Variants in PPM1H observed in about 807,000 individuals in gnomAD.
PPM1H encodes the protein protein phosphatase 1H.
Under a neutral mutation model 54.9 loss-of-function variants are expected in PPM1H, and 27 were observed. That is an observed-to-expected ratio of 0.49 (90% confidence interval 0.36 to 0.68). The LOEUF is 0.68. Ranked by LOEUF, PPM1H falls within the 30% of genes least tolerant of loss-of-function variation. The probability of loss-of-function intolerance (pLI) is 0.00; values close to 1 mark genes in which losing one functional copy is unlikely to be tolerated. For missense variants in PPM1H, 596 were observed against 667.8 expected (o/e 0.89, Z 1.19); for synonymous variants, 305 against 270.8 (o/e 1.13, Z -1.24).
At position 62,648,607 on chromosome 12, in the gene PPM1H, A is replaced by G. The variant is rs1488086613; in HGVS notation, c.1427T>C (p.Met476Thr). Residue 476 changes from methionine (M) to threonine (T), a missense_variant, in exon 10 of 10, where the codon ATG becomes ACG. Transcript: ENST00000228705. ...RYTLAAQDLV[M>T]RARGVLKDRG... Reference sequence around the variant, plus strand: ...GTCCTTCAGCACACCCCGGGCACGCATCACCAGGTCCTGAGCTGCCAGTGT... The same window carrying G: ...GTCCTTCAGCACACCCCGGGCACGCGTCACCAGGTCCTGAGCTGCCAGTGT... The G allele has an allele frequency of 6.2e-6, 10 of 1,613,966 alleles. No homozygotes were observed. The highest frequency in any genetic ancestry group is 8.5e-6 in the Non-Finnish European group (10 of 1,179,890).
At chr12:62,701,443 T>A (rs531546945) in intron 6 of PPM1H, among the ~76,000 whole-genome samples, 1 of 152,224 alleles carries the variant, frequency 6.6e-6, no homozygotes, top group Non-Finnish European at 1.5e-5. Flanking sequence ...GGCAATTTTA[T>A]ACATCCCTTC....
At chr12:62,892,522 C>G (rs1288459268) in intron 1 of PPM1H, among the ~76,000 whole-genome samples, 1 of 152,204 alleles carries the variant, frequency 6.6e-6, no homozygotes, top group Non-Finnish European at 1.5e-5. Context: ...ATTTGCTTCA[C>G]TAATCCCAAA....
chr12:62,719,143 C>T (rs1346991686), intron 6 of PPM1H, among the ~76,000 whole-genome samples: 1 of 152,148 alleles, frequency 6.6e-6, no homozygotes, highest in South Asian at 2.1e-4. Context: ...CAACCAGAAG[C>T]CCCTTGGCCT....
At chr12:62,746,207 A>C (rs2076409729) in intron 4 of PPM1H, among the ~76,000 whole-genome samples, 1 of 152,110 alleles carries the variant, frequency 6.6e-6, no homozygotes, top group African/African-American at 2.4e-5. Flanking sequence ...AAAAAAAACA[A>C]AAACAAAAAC....
intron 4 of PPM1H, among the ~76,000 whole-genome samples, chr12:62,788,014 A>G (rs970174803): frequency 6.6e-6 from 1 of 152,260 alleles, no homozygotes; most frequent in African/African-American, 2.4e-5. Context: ...CTACTGGTTT[A>G]GATTTATCAC....
chr12:62,927,704 T>C (rs1592674955), intron 1 of PPM1H, among the ~76,000 whole-genome samples: 2 of 150,814 alleles, frequency 1.3e-5, no homozygotes, highest in South Asian at 2.1e-4. Context: ...GAAAATAATA[T>C]ACGTTGAAGA....
intron 1 of PPM1H, among the ~76,000 whole-genome samples, chr12:62,912,392 G>T (rs774184935): frequency 6.6e-6 from 1 of 152,160 alleles, no homozygotes; most frequent in Non-Finnish European, 1.5e-5. Flanking sequence ...TTTCAGGTTG[G>T]CTCCGTGTCT....
intron 4 of PPM1H, among the ~76,000 whole-genome samples, chr12:62,780,483 G>A (rs1294785283): frequency 6.6e-6 from 1 of 152,126 alleles, no homozygotes; most frequent in Non-Finnish European, 1.5e-5. Context: ...ACAAAAATTT[G>A]TTAATAGAGA....
At position 62,646,051 on chromosome 12, in the gene PPM1H, A is replaced by ACTT. The variant is rs946227269; in HGVS notation, c.*2435_*2437dup. 5 of 152,154 alleles carry ACTT rather than the reference A, an allele frequency of 3.3e-5. No individual in the cohort carries two copies. The highest frequency in any genetic ancestry group is 1.2e-4 in the African/African-American group (5 of 41,424). The allele number at this position is 152,154 out of a possible 1,614,324, so 9.4% of individuals were successfully genotyped here. A position where few individuals can be genotyped will look rare whatever the true frequency, so the allele number is the denominator to read the frequency against. ...ATGCTTCGTTTACATCATGTTTCCT[A>ACTT]CTTTTGATTTCTTCATCTTATTTAT... On this transcript the variant is annotated 3_prime_UTR_variant, in exon 10 of 10. Transcript: ENST00000228705.
intron 1 of PPM1H, among the ~76,000 whole-genome samples, chr12:62,845,158 A>C (rs1477266923): frequency 1.3e-5 from 2 of 152,258 alleles, no homozygotes; most frequent in African/African-American, 4.8e-5. Flanking sequence ...GAAATTCCAA[A>C]GGTCTAAACA....
At chr12:62,843,954 C>T (rs1868855849) in intron 1 of PPM1H, among the ~76,000 whole-genome samples, 1 of 152,164 alleles carries the variant, frequency 6.6e-6, no homozygotes, top group African/African-American at 2.4e-5. Flanking sequence ...CCCTAATTTA[C>T]AAGGGAAAGA....
intron 5 of PPM1H, among the ~76,000 whole-genome samples, chr12:62,726,116 T>C (rs1456047833): frequency 6.6e-6 from 1 of 152,222 alleles, no homozygotes. Context: ...CTTACTGCTG[T>C]TGCATATGTC....
intron 1 of PPM1H, among the ~76,000 whole-genome samples, chr12:62,845,915 C>T (rs998927252): frequency 3.3e-5 from 5 of 152,150 alleles, no homozygotes; most frequent in African/African-American, 1.2e-4. Context: ...TCTTAGTGGA[C>T]AAAGAATTCC....
At chr12:62,712,468 C>T (rs1236038262) in intron 6 of PPM1H, among the ~76,000 whole-genome samples, 1 of 152,168 alleles carries the variant, frequency 6.6e-6, no homozygotes, top group Non-Finnish European at 1.5e-5. Flanking sequence ...GTGTAAAAAG[C>T]CTCCCCATGA....
intron 4 of PPM1H, among the ~76,000 whole-genome samples, chr12:62,748,318 C>A (rs1209005845): frequency 1.3e-5 from 2 of 152,120 alleles, no homozygotes; most frequent in Non-Finnish European, 2.9e-5. Context: ...AAGTCCAATT[C>A]CAAACCAAGT....
rs992336067 is a variant in PPM1H, at chr12:62,644,196, T to C, written c.*4293A>G. On this transcript the variant is annotated 3_prime_UTR_variant, in exon 10 of 10. Transcript: ENST00000228705. ...ATAAAGGTACATGGTTCTGAAACAA[T>C]TTCCAGGCAGATTTCTCTCATTCAC... 1 of 152,108 alleles carries C rather than the reference T, an allele frequency of 6.6e-6. No homozygotes were observed. The highest frequency in any genetic ancestry group is 6.5e-5 in the Admixed American group (1 of 15,280). 9.4% of individuals were successfully genotyped at this position (152,108 alleles called of 1,614,324 possible).
At chr12:62,911,361 C>G (rs541071727) in intron 1 of PPM1H, among the ~76,000 whole-genome samples, 1 of 152,196 alleles carries the variant, frequency 6.6e-6, no homozygotes. Context: ...TTTACTTTAA[C>G]ACATTTTTAA....
At chr12:62,871,999 T>A (rs1870004289) in intron 1 of PPM1H, among the ~76,000 whole-genome samples, 1 of 152,230 alleles carries the variant, frequency 6.6e-6, no homozygotes, top group Non-Finnish European at 1.5e-5. Flanking sequence ...CTCACTAAGC[T>A]TTTGAAACCT....
intron 2 of PPM1H, among the ~76,000 whole-genome samples, chr12:62,811,498 TC>T (rs2120778182): frequency 6.6e-6 from 1 of 152,266 alleles, no homozygotes; most frequent in South Asian, 2.1e-4. Context: ...CTTTCTTATT[TC>T]CCCTAAAGGA....
Sources: allele counts gnomAD v4.1 joint callset (sites outside exome capture counted in the v4.1 genomes callset), GRCh38; gene constraint gnomAD v4.1.1; transcripts MANE v1.5; gene names NCBI Gene and HGNC (gene_info 2026-07-23, HGNC 2026-07-21).